WDPCP: variants seen among roughly 807,000 people sequenced by gnomAD.
The protein encoded by WDPCP is WD repeat-containing and planar cell polarity effector protein fritz homolog.
In WDPCP, 71 loss-of-function variants were observed where a neutral mutation model predicts 93.1. That is an observed-to-expected ratio of 0.76 (90% confidence interval 0.63 to 0.93). The LOEUF (loss-of-function observed/expected upper bound fraction) is 0.93, where lower values mean the gene tolerates loss of function less well. Among genes scored for constraint, WDPCP ranks in the 40% least tolerant of loss-of-function variants. The probability of loss-of-function intolerance (pLI) is 0.00; values close to 1 mark genes in which losing one functional copy is unlikely to be tolerated. For synonymous variants in WDPCP, 315 were observed against 315.0 expected (o/e 1.00, Z 0.00); for missense variants, 844 against 887.4 (o/e 0.95, Z 0.62).
chr2:63,753,660 A>G (rs1345004325), intron 2 of WDPCP, among the ~76,000 whole-genome samples: 1 of 152,090 alleles, frequency 6.6e-6, no homozygotes, highest in Non-Finnish European at 1.5e-5. Flanking sequence ...AAACAAGCAT[A>G]TCTTGCAATA....
chr2:63,754,983 T>C (rs568959905), intron 2 of WDPCP, among the ~76,000 whole-genome samples: 1 of 152,296 alleles, frequency 6.6e-6, no homozygotes, highest in African/African-American at 2.4e-5. Context: ...GGCTGAAGTA[T>C]CTGCTTCCAA....
Position 63,784,571 on chromosome 2 carries a change from AGT to A in WDPCP, n.308+29049_308+29050del, listed in dbSNP as rs57680590. 2.4e-3 allele frequency among the ~76,000 whole-genome samples: 353 copies of A among 145,390 alleles called. 1 individual carries two copies. Among genetic ancestry groups the A allele is most frequent in the Middle Eastern group, 0.014 (4 of 282 alleles). ...CTTTTGAAAAAATATCTCTAGCTGG[AGT>A]GTGTGTGTGTGTGTGTGTGTGTGTG... On this transcript the variant is annotated intron_variant and non_coding_transcript_variant, in intron 2 of 4. Transcript: ENST00000467687.
At chr2:63,494,843 G>C (rs950923340) in intron 1 of WDPCP, among the ~76,000 whole-genome samples, 5 of 150,806 alleles carry the variant, frequency 3.3e-5, no homozygotes, top group African/African-American at 1.2e-4. Context: ...TGGCGTGAAC[G>C]CGGGAGGCGG....
At chr2:63,326,317 C>T (rs1033489466) in intron 12 of WDPCP, among the ~76,000 whole-genome samples, 1 of 152,154 alleles carries the variant, frequency 6.6e-6, no homozygotes, top group African/African-American at 2.4e-5. Context: ...GTCCCCTTGG[C>T]TAATCCTGAC....
At chr2:63,512,552 T>C (rs1702299814) in intron 1 of WDPCP, among the ~76,000 whole-genome samples, 1 of 152,198 alleles carries the variant, frequency 6.6e-6, no homozygotes, top group Admixed American at 6.5e-5. Flanking sequence ...CATGGAATAT[T>C]ATGCAGCCAT....
chr2:63,563,995 G>A (rs1395361303), intron 1 of WDPCP, among the ~76,000 whole-genome samples: 1 of 152,178 alleles, frequency 6.6e-6, no homozygotes, highest in Non-Finnish European at 1.5e-5. Flanking sequence ...TTAAAAGGGT[G>A]AGTTTTAGGG....
intron 15 of WDPCP, among the ~76,000 whole-genome samples, chr2:63,169,184 G>T (rs1273716448): frequency 6.6e-6 from 1 of 152,082 alleles, no homozygotes; most frequent in Non-Finnish European, 1.5e-5. Flanking sequence ...GTCAGTCCTT[G>T]TACTGACACT....
At chr2:63,483,897 AATT>A (rs1338308558) in intron 6 of WDPCP, among the ~76,000 whole-genome samples, 5 of 151,886 alleles carry the variant, frequency 3.3e-5, no homozygotes, top group African/African-American at 1.2e-4. Flanking sequence ...AGTGTACACT[AATT>A]ATTATGTTCT....
At chr2:63,792,408 A>C (rs775029225) in intron 2 of WDPCP, among the ~76,000 whole-genome samples, 5 of 152,146 alleles carry the variant, frequency 3.3e-5, no homozygotes, top group African/African-American at 4.8e-5. Flanking sequence ...CCCATGATCC[A>C]ATCACCTCCC....
chr2:63,219,112 G>A (rs544611134), intron 14 of WDPCP, among the ~76,000 whole-genome samples: 1 of 152,188 alleles, frequency 6.6e-6, no homozygotes, highest in East Asian at 1.9e-4. Flanking sequence ...TACTATTAGG[G>A]TTTGTTATTT....
chr2:63,422,561 A>G (rs1281087636), intron 9 of WDPCP, among the ~76,000 whole-genome samples: 1 of 152,234 alleles, frequency 6.6e-6, no homozygotes, highest in African/African-American at 2.4e-5. Flanking sequence ...GTCTCTTTAT[A>G]GAAGTATCCC....
chr2:63,712,521 G>A (rs1168143933), intron 2 of WDPCP, among the ~76,000 whole-genome samples: 2 of 152,186 alleles, frequency 1.3e-5, no homozygotes, highest in Non-Finnish European at 2.9e-5. Flanking sequence ...GGGATAAGGA[G>A]AGATTGAGAC....
intron 2 of WDPCP, among the ~76,000 whole-genome samples, chr2:63,707,396 C>A (rs1049387616): frequency 2.0e-5 from 3 of 152,152 alleles, no homozygotes; most frequent in African/African-American, 7.2e-5. Context: ...ACCGCTGATA[C>A]CCTTTCTTCC....
chr2:63,230,550 C>A lies in WDPCP; in HGVS notation c.1915+28757G>T, dbSNP rs1183614701. On this transcript the variant is annotated intron_variant, in intron 14 of 17. Coordinates refer to ENST00000272321, the MANE Select transcript of WDPCP (RefSeq NM_015910.7). ...ATGGTTGAACTAGTTTACAGTCCCA[C>A]CAACAGTGTAAAAGTGTTCCTATTT... Among the ~76,000 whole-genome samples the A allele has an allele frequency of 3.9e-5, 6 of 152,134 alleles. No individual in the cohort carries two copies. In the South Asian group the frequency reaches 8.3e-4, roughly 21 times the overall value.
intron 14 of WDPCP, among the ~76,000 whole-genome samples, chr2:63,180,102 A>G (rs1674122753): frequency 6.6e-6 from 1 of 152,188 alleles, no homozygotes; most frequent in Non-Finnish European, 1.5e-5. Context: ...ATAGGAGCTA[A>G]ATACTGTGAA....
chr2:63,547,762 G>A (rs1194187241), intron 1 of WDPCP, among the ~76,000 whole-genome samples: 1 of 150,702 alleles, frequency 6.6e-6, no homozygotes, highest in African/African-American at 2.4e-5. Flanking sequence ...AAAAAAAAAG[G>A]TGGCTCTCAT....
intron 2 of WDPCP, among the ~76,000 whole-genome samples, chr2:63,727,842 G>T (rs1430430415): frequency 6.6e-6 from 1 of 152,124 alleles, no homozygotes; most frequent in Non-Finnish European, 1.5e-5. Context: ...GTGTGTAGAG[G>T]TGCTCATAAT....
At chr2:63,266,729 TC>T (rs1178185119) in intron 13 of WDPCP, among the ~76,000 whole-genome samples, 2 of 151,988 alleles carry the variant, frequency 1.3e-5, no homozygotes, top group East Asian at 3.9e-4. Context: ...TCATTTGAAC[TC>T]GGGGGGTGGA....
At chr2:63,816,331 G>T (rs1287279765) in intron 1 of WDPCP, among the ~76,000 whole-genome samples, 1 of 152,144 alleles carries the variant, frequency 6.6e-6, no homozygotes, top group Non-Finnish European at 1.5e-5. Context: ...TGATATTATA[G>T]TAGGTTAAAT....
Sources: allele counts gnomAD v4.1 joint callset (sites outside exome capture counted in the v4.1 genomes callset), GRCh38; gene constraint gnomAD v4.1.1; transcripts MANE v1.5; gene names NCBI Gene and HGNC (gene_info 2026-07-23, HGNC 2026-07-21).